Variants in LGALS3 observed in about 807,000 individuals in gnomAD.
The protein encoded by LGALS3 is galectin 3, also known as galectin-3.
LGALS3 carries 18 observed loss-of-function variants against 20.7 expected under a neutral mutation model. The ratio of observed to expected loss-of-function variants is 0.87; its 90% CI spans 0.60 to 1.29. The LOEUF (loss-of-function observed/expected upper bound fraction) is 1.29, where lower values mean the gene tolerates loss of function less well. Among genes scored for constraint, LGALS3 ranks in the 50% most tolerant of loss-of-function variants. The pLI is 0.00. For synonymous variants in LGALS3, 112 were observed against 119.6 expected, an observed-to-expected ratio of 0.94 and a Z score of 0.42; for missense variants, 315 against 314.7, an observed-to-expected ratio of 1.00 and a Z score of -0.01.
intron 1 of LGALS3, among the ~76,000 whole-genome samples, chr14:55,132,023 G>T (rs893427513): frequency 1.3e-5 from 2 of 152,230 alleles, no homozygotes; most frequent in African/African-American, 4.8e-5. Context: ...TGTGACGGTT[G>T]CGCACAGGTC....
rs763105341 is a variant in LGALS3 at position 55,137,433 on chromosome 14, C to T, written c.18+42C>T. The T allele has an allele frequency of 3.1e-6, 5 of 1,614,170 alleles. No homozygotes were observed. The South Asian group carries it at 5.5e-5, about 18-fold the overall frequency. On this transcript the variant is annotated intron_variant, in intron 2 of 5. Transcript: ENST00000254301. ...TGTTTCTTCCCCTTGATCAGCTCCA[C>T]ATGGTTGAGGGTTGGGGGTTTTGTT...
At chr14:55,142,542 C>A (rs1349029822) in intron 4 of LGALS3, 42 bp from the exon 5 acceptor site, 4 of 1,519,476 alleles carry the variant, frequency 2.6e-6, no homozygotes, top group Admixed American at 1.7e-5. Context: ...TGCAAATGTA[C>A]AGCTTTAATC....
At chr14:55,134,884 G>A (rs576537504) in intron 1 of LGALS3, among the ~76,000 whole-genome samples, 1 of 152,294 alleles carries the variant, frequency 6.6e-6, no homozygotes, top group East Asian at 1.9e-4. Flanking sequence ...GCTGGATGCG[G>A]TGGCTCATGC....
intron 3 of LGALS3, among the ~76,000 whole-genome samples, chr14:55,139,988 C>G (rs1366125466): frequency 1.3e-5 from 2 of 152,182 alleles, no homozygotes; most frequent in African/African-American, 4.8e-5. Context: ...ATGTTGATCA[C>G]AAGATCTAGC....
chr14:55,138,663 A>G (rs191083721), intron 3 of LGALS3, among the ~76,000 whole-genome samples: 22 of 152,344 alleles, frequency 1.4e-4, no homozygotes, highest in African/African-American at 5.1e-4. Context: ...AATAGTATGC[A>G]TCTACATGGA....
intron 5 of LGALS3, among the ~76,000 whole-genome samples, chr14:55,143,081 A>G (rs1472079566): frequency 6.6e-6 from 1 of 152,238 alleles, no homozygotes; most frequent in Non-Finnish European, 1.5e-5. Context: ...TGCTTAAAAC[A>G]CAGTTGGCAG....
intron 3 of LGALS3, 38 bp from the exon 4 acceptor site, chr14:55,140,237 G>A: frequency 7.5e-7 from 1 of 1,327,842 alleles, no homozygotes; most frequent in Non-Finnish European, 1.1e-6. Flanking sequence ...AAAGAAACAT[G>A]ACTCCTTATT....
intron 1 of LGALS3, among the ~76,000 whole-genome samples, chr14:55,130,289 G>A (rs1881187622): frequency 6.6e-6 from 1 of 152,240 alleles, no homozygotes; most frequent in Non-Finnish European, 1.5e-5. Flanking sequence ...GGTGGAGGCT[G>A]GGACTTAGGT....
At chr14:55,136,369 ACCTTT>A (rs916822366) in intron 1 of LGALS3, among the ~76,000 whole-genome samples, 7 of 151,640 alleles carry the variant, frequency 4.6e-5, no homozygotes, top group African/African-American at 7.3e-5. Flanking sequence ...CTCCAACAGC[ACCTTT>A]CCTTTCCTTC....
intron 5 of LGALS3, among the ~76,000 whole-genome samples, chr14:55,143,150 A>G (rs1386778047): frequency 6.6e-6 from 1 of 152,218 alleles, no homozygotes; most frequent in African/African-American, 2.4e-5. Context: ...AAGTTTATAA[A>G]TTTTTAAATT....
chr14:55,140,969 C>A (rs778733836), intron 4 of LGALS3, among the ~76,000 whole-genome samples: 3 of 152,168 alleles, frequency 2.0e-5, no homozygotes, highest in Non-Finnish European at 4.4e-5. Context: ...TACAAGGAAG[C>A]TGGCCATGTC....
rs1491587200 is a variant in LGALS3 at position 55,130,752 on chromosome 14, G to GT, written c.-5+1453dup. Among the ~76,000 whole-genome samples the GT allele has an allele frequency of 4.2e-3, 472 of 112,340 alleles. 15 individuals carry two copies. Among genetic ancestry groups the GT allele is most frequent in the African/African-American group, 0.014 (400 of 28,500 alleles). 73.7% of individuals were successfully genotyped at this position (112,340 alleles called of 152,430 possible). On this transcript the variant is annotated intron_variant, in intron 1 of 5. Coordinates refer to ENST00000254301, the MANE Select transcript of LGALS3 (RefSeq NM_002306.4). ...TTTTGTATTTTTCGTGGTGGTGGTG[G>GT]TGGGGGGGGGGGGGTCCCTCCATGT...
chr14:55,143,162 A>G (rs1470805055), intron 5 of LGALS3, among the ~76,000 whole-genome samples: 1 of 152,228 alleles, frequency 6.6e-6, no homozygotes, highest in East Asian at 1.9e-4. Flanking sequence ...TTTTAAATTA[A>G]CAAAGTTTCC....
rs1006071234 is a variant in LGALS3, at chr14:55,143,508, G to A, written c.597+759G>A. 11 of 298,436 alleles carry A rather than the reference G, an allele frequency of 3.7e-5. No individual in the cohort carries two copies. The East Asian group carries it at 7.4e-4, about 20-fold the overall frequency. The allele number at this position is 298,436 out of a possible 1,614,324, so 18.5% of individuals were successfully genotyped here. On this transcript the variant is annotated intron_variant, in intron 5 of 5. Coordinates refer to ENST00000254301, the MANE Select transcript of LGALS3 (RefSeq NM_002306.4). The stretch of plus-strand genomic sequence containing the variant: ...ACGATCTTGGCTCACTACAACCTCC[G>A]CCTCCTGGGTTCAAGCGATGCTCCT...
intron 1 of LGALS3, chr14:55,137,144 A>G: frequency 3.3e-6 from 2 of 606,756 alleles, no homozygotes; most frequent in South Asian, 1.9e-5. Context: ...TTCAGAGCAC[A>G]GGCTAGTGTG....
intron 5 of LGALS3, chr14:55,143,356 G>C: frequency 3.3e-6 from 1 of 299,088 alleles, no homozygotes; most frequent in South Asian, 2.5e-5. Context: ...TCAACAACAG[G>C]GACAAATAAG....
At chr14:55,133,390 A>G (rs1358713722) in intron 1 of LGALS3, among the ~76,000 whole-genome samples, 1 of 152,176 alleles carries the variant, frequency 6.6e-6, no homozygotes, top group Admixed American at 6.5e-5. Context: ...GCTTCAAACC[A>G]TGGTTAGTAT....
At chr14:55,134,086 G>A (rs1257537709) in intron 1 of LGALS3, among the ~76,000 whole-genome samples, 2 of 151,956 alleles carry the variant, frequency 1.3e-5, no homozygotes, top group African/African-American at 4.8e-5. Context: ...CCTTTTTTTG[G>A]TAGAGACTGG....
chr14:55,133,292 A>G (rs995901903), intron 1 of LGALS3, among the ~76,000 whole-genome samples: 1 of 152,154 alleles, frequency 6.6e-6, no homozygotes, highest in Non-Finnish European at 1.5e-5. Flanking sequence ...CCACCATGTT[A>G]TCTCTCTGAG....
Sources: allele counts gnomAD v4.1 joint callset (sites outside exome capture counted in the v4.1 genomes callset), GRCh38; gene constraint gnomAD v4.1.1; transcripts MANE v1.5; gene names NCBI Gene and HGNC (gene_info 2026-07-23, HGNC 2026-07-21).